The following NDRG2 variants were observed in gnomAD, a reference collection of about 807,000 sequenced individuals.
The protein encoded by NDRG2 is NDRG family member 2.
NDRG2 carries 34 observed loss-of-function variants against 58.2 expected under a neutral mutation model. The ratio of observed to expected loss-of-function variants is 0.58; its 90% CI spans 0.44 to 0.78. The LOEUF (loss-of-function observed/expected upper bound fraction) is 0.78. NDRG2 is among the 30% of genes least tolerant of loss of function. The pLI, the probability that NDRG2 is intolerant of heterozygous loss-of-function variation, is 0.00. For synonymous variants in NDRG2, 187 were observed against 175.9 expected (o/e 1.06, Z -0.50); for missense variants, 434 against 471.2 (o/e 0.92, Z 0.73).
Position 21,022,101 on chromosome 14 carries a change from G to T in NDRG2, c.305C>A (p.Ala102Asp). The change falls in exon 5 of 16, where the codon GCC (alanine) becomes GAC (aspartate). Residue 102 changes from alanine (A) to aspartate (D), a missense_variant. Physicochemically the swap from Ala to Asp is moderately radical, Grantham distance 126. Transcript: ENST00000556147. ...IQNFVRVHVDAPGMEEGAPVF... is the reference protein window; with the variant it reads ...IQNFVRVHVDDPGMEEGAPVF... ...AGGGGCTCCCTCTTCCATTCCAGGG[G>T]CATCCACATGAACCCGCACAAAGTT... The T allele has an allele frequency of 6.2e-7, 1 of 1,614,138 alleles. No homozygotes were observed. The highest frequency in any genetic ancestry group is 8.5e-7 in the Non-Finnish European group (1 of 1,180,024).
At chr14:21,029,903 C>A (rs1362825230), upstream of NDRG2, among the ~76,000 whole-genome samples, 1 of 152,156 alleles carries the variant, frequency 6.6e-6, no homozygotes, top group Non-Finnish European at 1.5e-5. Context: ...TTATAAGCCA[C>A]CCAGTTTGAT....
chr14:21,030,641 C>A (rs1338367895), upstream of NDRG2: 3 of 1,614,034 alleles, frequency 1.9e-6, no homozygotes. Context: ...AATCATCAAG[C>A]AGTGGCACTG....
At chr14:21,059,178 C>T (rs890577622) in intron 1 of NDRG2, among the ~76,000 whole-genome samples, 3 of 152,200 alleles carry the variant, frequency 2.0e-5, no homozygotes, top group Admixed American at 6.5e-5. Flanking sequence ...GTTTCATCGA[C>T]GTGACCCAGA....
rs1378228071 is a variant in NDRG2, at chr14:21,024,025, C to T, written c.-7+5G>A. 2 of 985,602 alleles carry T rather than the reference C, an allele frequency of 2.0e-6. No homozygotes were observed. The highest frequency in any genetic ancestry group is 2.3e-4 in the East Asian group (2 of 8,844). The allele number at this position is 985,602 out of a possible 1,614,324, so 61.1% of individuals were successfully genotyped here. The stretch of plus-strand genomic sequence containing the variant: ...GCCTGCAGCCTGCGGGGTGGGGTCA[C>T]TTACTGGGCTCCTATTGGCTGGATG... On this transcript the variant is annotated splice_donor_5th_base_variant and intron_variant, in intron 1 of 15. Coordinates refer to ENST00000556147, the MANE Select transcript of NDRG2 (RefSeq NM_001320329.2).
At position 21,024,565 on chromosome 14, in the gene NDRG2, A is replaced by T; in HGVS notation, c.-542T>A. On this transcript the variant is annotated 5_prime_UTR_variant, in exon 1 of 16. The change creates a premature stop within an existing upstream ORF in the 5' untranslated region. Transcript: ENST00000556147. ...CCCTCCACAATTTAAAAACAAACAC[A>T]AAGATTGGTGCCGTCGCTTCTCTCC... The T allele has an allele frequency of 1.0e-6, 1 of 985,450 alleles. No individual in the cohort carries two copies. Among genetic ancestry groups the T allele is most frequent in the African/African-American group, 1.7e-5 (1 of 57,358 alleles). 61.0% of individuals were successfully genotyped at this position (985,450 alleles called of 1,614,324 possible). A position where few individuals can be genotyped will look rare whatever the true frequency, so the allele number is the denominator to read the frequency against.
chr14:21,032,469 G>A (rs1884285879), intron 1 of NDRG2: 5 of 396,128 alleles, frequency 1.3e-5, no homozygotes, highest in Admixed American at 3.0e-5. Context: ...TTCCTCACGT[G>A]ATGGACTATG....
chr14:21,017,116 CCT>C lies in NDRG2; in HGVS notation c.*478_*479del, dbSNP rs1594359649. On this transcript the variant is annotated 3_prime_UTR_variant, in exon 16 of 16. Coordinates refer to ENST00000556147, the MANE Select transcript of NDRG2 (RefSeq NM_001320329.2). ...CCACTAACCCACCAGCAAGTCTCCCCCTGACACACATTCACGTAGGTCCATAC... is the reference window on the plus strand; with the variant it reads ...CCACTAACCCACCAGCAAGTCTCCCCGACACACATTCACGTAGGTCCATAC... 4 of 423,818 alleles carry C rather than the reference CCT, an allele frequency of 9.4e-6. No individual in the cohort carries two copies. The highest frequency in any genetic ancestry group is 7.1e-5 in the East Asian group (1 of 14,022). 26.3% of individuals were successfully genotyped at this position (423,818 alleles called of 1,614,324 possible).
intron 14 of NDRG2, 27 bp from the exon 15 acceptor site, chr14:21,018,065 G>A (rs1566451346): frequency 1.2e-6 from 2 of 1,611,108 alleles, no homozygotes; most frequent in Non-Finnish European, 1.7e-6. Flanking sequence ...AGGCGAGGGA[G>A]ACGGTGAGAT....
intron 1 of NDRG2, among the ~76,000 whole-genome samples, chr14:21,063,963 A>G (rs1225427518): frequency 6.6e-6 from 1 of 152,210 alleles, no homozygotes; most frequent in Non-Finnish European, 1.5e-5. Flanking sequence ...TATAACTGCA[A>G]CAATTCACTG....
chr14:21,058,927 T>TAAA (rs10622766), intron 1 of NDRG2, among the ~76,000 whole-genome samples: 1 of 151,662 alleles, frequency 6.6e-6, no homozygotes, highest in Non-Finnish European at 1.5e-5. Context: ...GAAAAGGCCC[T>TAAA]GAAACACTTA....
intron 1 of NDRG2, chr14:21,031,908 G>A (rs1042317674): frequency 3.1e-6 from 5 of 1,613,894 alleles, no homozygotes; most frequent in Non-Finnish European, 4.2e-6. Context: ...ACAACAGTGG[G>A]TGCAGTGGAC....
In NDRG2 at chr14:21,020,339, A is replaced by G. The variant is rs537754660; in HGVS notation, c.555+157T>C. On this transcript the variant is annotated intron_variant, in intron 8 of 15. Coordinates refer to ENST00000556147, the MANE Select transcript of NDRG2 (RefSeq NM_001320329.2). ...AAAGAAAAAGAAAGTTCAGGATATTATAAGAGACTCAGGCAAAGTGACAGC... is the reference window on the plus strand; with the variant it reads ...AAAGAAAAAGAAAGTTCAGGATATTGTAAGAGACTCAGGCAAAGTGACAGC... 1.9e-5 allele frequency: 12 copies of G among 627,582 alleles called. No individual in the cohort carries two copies. The South Asian group carries it at 2.2e-4, about 11-fold the overall frequency. The allele number at this position is 627,582 out of a possible 1,614,324, so 38.9% of individuals were successfully genotyped here. A position where few individuals can be genotyped will look rare whatever the true frequency, so the allele number is the denominator to read the frequency against.
upstream of NDRG2, among the ~76,000 whole-genome samples, chr14:21,029,944 A>C (rs1566485477): frequency 6.6e-6 from 1 of 150,872 alleles, no homozygotes; most frequent in Non-Finnish European, 1.5e-5. Flanking sequence ...ACAGACTACA[A>C]CACCTTCCCT....
At chr14:21,035,024 G>A (rs565625527) in intron 1 of NDRG2, among the ~76,000 whole-genome samples, 2 of 152,354 alleles carry the variant, frequency 1.3e-5, no homozygotes, top group South Asian at 4.1e-4. Context: ...ATGTTTCTGA[G>A]GAACAAAGTG....
At chr14:21,043,018 GC>G (rs1566496355) in intron 1 of NDRG2, 1 of 1,613,922 alleles carries the variant, frequency 6.2e-7, no homozygotes, top group Admixed American at 1.7e-5. Context: ...GCAGGATTCT[GC>G]CCCCTTCTGC....
chr14:21,039,749 A>G (rs2139106690), intron 1 of NDRG2, among the ~76,000 whole-genome samples: 1 of 152,340 alleles, frequency 6.6e-6, no homozygotes, highest in South Asian at 2.1e-4. Context: ...TGCAAACTTA[A>G]AACCTTACTC....
At chr14:21,040,812 G>T (rs758555533) in intron 1 of NDRG2, among the ~76,000 whole-genome samples, 1 of 152,126 alleles carries the variant, frequency 6.6e-6, no homozygotes, top group African/African-American at 2.4e-5. Context: ...CAGAGTCAGC[G>T]ATTTCAACGA....
chr14:21,055,483 A>ACAGC (rs1173042067), intron 1 of NDRG2, among the ~76,000 whole-genome samples: 1 of 152,178 alleles, frequency 6.6e-6, no homozygotes, highest in African/African-American at 2.4e-5. Flanking sequence ...AATGGATAAA[A>ACAGC]CAGCCCTGAG....
In NDRG2 at chr14:21,032,040, A is replaced by G. The variant is rs147039776; in HGVS notation, c.25-8719T>C. ...GACAACACAGGCTATGTGAGTGGTT[A>G]CAAGGGTTCTGGCACCTACGATAAG... On this transcript the variant is annotated intron_variant, in intron 1 of 14. Coordinates refer to the NDRG2 transcript ENST00000403829. The G allele has an allele frequency of 2.5e-5, 40 of 1,614,196 alleles. No homozygotes were observed. In the African/African-American group the frequency reaches 4.9e-4, roughly 20 times the overall value.
Sources: allele counts gnomAD v4.1 joint callset (sites outside exome capture counted in the v4.1 genomes callset), GRCh38; gene constraint gnomAD v4.1.1; transcripts MANE v1.5; gene names NCBI Gene and HGNC (gene_info 2026-07-23, HGNC 2026-07-21).